Variants in KCNAB2 observed in about 807,000 individuals in gnomAD.
The protein encoded by KCNAB2 is potassium voltage-gated channel subfamily A regulatory beta subunit 2.
KCNAB2 carries 29 observed loss-of-function variants against 63.6 expected under a neutral mutation model. The ratio of observed to expected loss-of-function variants is 0.46; its 90% CI spans 0.34 to 0.62. The LOEUF is 0.62. Among genes scored for constraint, KCNAB2 ranks in the 20% least tolerant of loss-of-function variants. KCNAB2 has a pLI of 0.01. For synonymous variants in KCNAB2, 222 were observed against 224.2 expected (o/e 0.99, Z 0.09); for missense variants, 359 against 563.9 (o/e 0.64, Z 3.68).
At chr1:6,036,860 A>G (rs1165775078) in intron 1 of KCNAB2, among the ~76,000 whole-genome samples, 1 of 152,220 alleles carries the variant, frequency 6.6e-6, no homozygotes. Context: ...AGGATGCCGT[A>G]GAGCAGGTGC....
At chr1:6,042,828 G>GCCCC (rs1660602552), upstream of KCNAB2, among the ~76,000 whole-genome samples, 4 of 32,646 alleles carry the variant, frequency 1.2e-4, no homozygotes, top group Admixed American at 4.4e-4. Context: ...TTCTCTCCCC[G>GCCCC]CGCCCCCACT....
chr1:6,057,397 G>A (rs184568329), intron 2 of KCNAB2, among the ~76,000 whole-genome samples: 5 of 152,258 alleles, frequency 3.3e-5, no homozygotes, highest in Non-Finnish European at 7.3e-5. Flanking sequence ...GGAAGAGCTG[G>A]GAATCCAGGT....
At chr1:6,008,732 G>A (rs778706714) in intron 1 of KCNAB2, among the ~76,000 whole-genome samples, 3 of 152,162 alleles carry the variant, frequency 2.0e-5, no homozygotes, top group Non-Finnish European at 4.4e-5. Flanking sequence ...CAGGGAAGTG[G>A]CTGAGGGAGT....
chr1:6,022,264 T>C (rs942213218), intron 1 of KCNAB2, among the ~76,000 whole-genome samples: 4 of 150,776 alleles, frequency 2.7e-5, no homozygotes, highest in African/African-American at 7.3e-5. Context: ...ATTGAGTGTA[T>C]AGTTCAGTGG....
At chr1:6,008,899 C>G (rs554966868) in intron 1 of KCNAB2, among the ~76,000 whole-genome samples, 1 of 152,292 alleles carries the variant, frequency 6.6e-6, no homozygotes, top group Admixed American at 6.5e-5. Context: ...AAGCCTCTGG[C>G]CTGGGCGGAG....
Position 6,099,778 on chromosome 1 carries a change from G to A in KCNAB2, c.*1204G>A, listed in dbSNP as rs1665908938. The A allele has an allele frequency of 1.4e-6, 2 of 1,481,096 alleles. No homozygotes were observed. The highest frequency in any genetic ancestry group is 1.8e-6 in the Non-Finnish European group (2 of 1,113,612). 91.7% of individuals were successfully genotyped at this position (1,481,096 alleles called of 1,614,324 possible). A position where few individuals can be genotyped will look rare whatever the true frequency, so the allele number is the denominator to read the frequency against. On this transcript the variant is annotated 3_prime_UTR_variant, in exon 16 of 16. Coordinates refer to ENST00000378083, the MANE Select transcript of KCNAB2 (RefSeq NM_001199862.2). The stretch of plus-strand genomic sequence containing the variant: ...GAACCTCTCCCTGGAAAGACGGGCA[G>A]GGCTGGTTAGCCCCTCCCACTGCCT...
chr1:6,091,914 C>A (rs982545027), intron 10 of KCNAB2, among the ~76,000 whole-genome samples: 1 of 152,206 alleles, frequency 6.6e-6, no homozygotes, highest in Admixed American at 6.5e-5. Context: ...GAAAGAATAA[C>A]CACAGGAGCC....
chr1:6,060,105 C>A (rs137922472), intron 2 of KCNAB2, among the ~76,000 whole-genome samples: 1 of 152,226 alleles, frequency 6.6e-6, no homozygotes, highest in African/African-American at 2.4e-5. Flanking sequence ...CACCCTACTC[C>A]AGACACAGAA....
chr1:6,099,914 G>A lies in KCNAB2; in HGVS notation c.*1340G>A, dbSNP rs916065293. 3.2e-6 allele frequency: 5 copies of A among 1,550,296 alleles called. No individual in the cohort carries two copies. The highest frequency in any genetic ancestry group is 1.2e-5 in the South Asian group (1 of 84,070). On this transcript the variant is annotated 3_prime_UTR_variant, in exon 16 of 16. Transcript: ENST00000378083. ...GGATGCCAGTAAGTCTGCAGGTGCG[G>A]GGTGCCACCTACAGGCCCAGGCCTG...
intron 2 of KCNAB2, among the ~76,000 whole-genome samples, chr1:6,055,353 C>CTT (rs543532983): frequency 2.1e-4 from 23 of 109,742 alleles, no homozygotes; most frequent in Admixed American, 4.8e-4. Flanking sequence ...AAGACAAACG[C>CTT]TTTTTTTTTT....
chr1:6,097,740 G>A (rs1665769477), intron 15 of KCNAB2: 4 of 452,778 alleles, frequency 8.8e-6, no homozygotes, highest in Non-Finnish European at 1.2e-5. Context: ...AAATGCCTGC[G>A]GGAAGAACCT....
chr1:6,051,379 A>G, intron 1 of KCNAB2, 132 bp from the exon 2 acceptor site: 1 of 1,113,708 alleles, frequency 9.0e-7, no homozygotes, highest in Non-Finnish European at 1.2e-6. Context: ...TCCCACTCCT[A>G]GACACCAAGA....
At chr1:6,070,085 C>G (rs995439364) in intron 2 of KCNAB2, among the ~76,000 whole-genome samples, 11 of 152,178 alleles carry the variant, frequency 7.2e-5, no homozygotes, top group Non-Finnish European at 2.9e-5. Flanking sequence ...CACAGTCACT[C>G]GTGGAGGTGG....
upstream of KCNAB2, among the ~76,000 whole-genome samples, chr1:6,029,804 A>G (rs144614664): frequency 5.4e-3 from 823 of 152,356 alleles, 6 homozygotes; most frequent in African/African-American, 0.018. Flanking sequence ...CCTCCTTCCC[A>G]GGAACCCAGA....
chr1:6,087,392 G>T lies in KCNAB2; in HGVS notation c.426-75G>T. The T allele has an allele frequency of 6.7e-7, 1 of 1,501,552 alleles. No homozygotes were observed. The highest frequency in any genetic ancestry group is 9.3e-7 in the Non-Finnish European group (1 of 1,077,760). The allele number at this position is 1,501,552 out of a possible 1,614,324, so 93.0% of individuals were successfully genotyped here. A position where few individuals can be genotyped will look rare whatever the true frequency, so the allele number is the denominator to read the frequency against. On this transcript the variant is annotated intron_variant, in intron 6 of 15. Transcript: ENST00000378083. This position sits in a 1 kb window ranked among gnomAD's most constrained non-coding sequence, Gnocchi z 6.4. ...CTTTCAGGACCTCTGTGTGAGAGAT[G>T]AGGACGTCGGGGATGAAGGAGGACC...
At chr1:6,056,243 C>T (rs1661813396) in intron 2 of KCNAB2, among the ~76,000 whole-genome samples, 1 of 152,044 alleles carries the variant, frequency 6.6e-6, no homozygotes, top group Non-Finnish European at 1.5e-5. Context: ...CGGGGTTTCA[C>T]CACGTTGGCC....
chr1:6,047,224 A>T (rs2100504609), intron 1 of KCNAB2, among the ~76,000 whole-genome samples: 1 of 152,032 alleles, frequency 6.6e-6, no homozygotes, highest in African/African-American at 2.4e-5. Flanking sequence ...AGAAGTGGGG[A>T]CCCTGAGGCA....
intron 1 of KCNAB2, chr1:6,007,687 C>G (rs1305624580): frequency 6.6e-6 from 1 of 152,328 alleles, no homozygotes; most frequent in African/African-American, 2.4e-5. Flanking sequence ...TCCTTTATCT[C>G]CTTTTACTGT....
chr1:6,027,615 G>A (rs576189224), intron 1 of KCNAB2, among the ~76,000 whole-genome samples: 1 of 152,344 alleles, frequency 6.6e-6, no homozygotes, highest in Admixed American at 6.5e-5. Flanking sequence ...CAAAAGTCTA[G>A]ACCTGTCGTA....
Sources: allele counts gnomAD v4.1 joint callset (sites outside exome capture counted in the v4.1 genomes callset), GRCh38; gene constraint gnomAD v4.1.1; non-coding constraint Gnocchi (gnomAD v3.1); transcripts MANE v1.5; gene names NCBI Gene and HGNC (gene_info 2026-07-23, HGNC 2026-07-21).